Variants in HEMK2 observed in about 807,000 individuals in gnomAD.
The protein encoded by HEMK2 is HemK methyltransferase 2, ETF1 glutamine and histone H4 lysine, also known as methyltransferase HEMK2.
chr21:28,657,729 C>G, the HEMK2 span, among the ~76,000 whole-genome samples: 1 of 151,956 alleles, frequency 6.6e-6, no homozygotes, highest in East Asian at 1.9e-4. Context: ...ATATAATCCC[C>G]AAAAAGCAGC....
At chr21:28,674,720 A>G in the HEMK2 span, 3 of 152,234 alleles carry the variant, frequency 2.0e-5, no homozygotes, top group African/African-American at 4.8e-5. Flanking sequence ...AGACTGGGTA[A>G]ATCATAAAAA....
chr21:28,780,371 G>A, the HEMK2 span, among the ~76,000 whole-genome samples: 1 of 145,218 alleles, frequency 6.9e-6, no homozygotes, highest in South Asian at 2.2e-4. Flanking sequence ...TAGAGACGGG[G>A]TTTCACCGTG....
the HEMK2 span, among the ~76,000 whole-genome samples, chr21:28,806,352 T>G: frequency 6.6e-6 from 1 of 152,240 alleles, no homozygotes; most frequent in African/African-American, 2.4e-5. Context: ...GTAACATGAC[T>G]GTAACTTAAG....
chr21:28,766,463 A>G, the HEMK2 span, among the ~76,000 whole-genome samples: 1 of 152,100 alleles, frequency 6.6e-6, no homozygotes, highest in East Asian at 1.9e-4. Context: ...TAAAGAACTA[A>G]AAGTAGAACT....
At chr21:28,805,789 T>C in the HEMK2 span, among the ~76,000 whole-genome samples, 1 of 152,240 alleles carries the variant, frequency 6.6e-6, no homozygotes, top group East Asian at 1.9e-4. Flanking sequence ...CATTGTTTTA[T>C]TTAAAAGTTC....
chr21:28,767,478 C>CCAAG, the HEMK2 span, among the ~76,000 whole-genome samples: 2 of 151,792 alleles, frequency 1.3e-5, no homozygotes, highest in Admixed American at 6.6e-5. Context: ...AGAGCACTGA[C>CCAAG]CAAGACCCAG....
the HEMK2 span, among the ~76,000 whole-genome samples, chr21:28,871,291 A>C: frequency 6.6e-6 from 1 of 152,202 alleles, no homozygotes; most frequent in African/African-American, 2.4e-5. Flanking sequence ...GGGAGGCCTC[A>C]GGAAGCTTAA....
the HEMK2 span, among the ~76,000 whole-genome samples, chr21:28,870,229 ACCT>A: frequency 5.5e-4 from 84 of 152,046 alleles, no homozygotes; most frequent in Non-Finnish European, 1.1e-3. Flanking sequence ...CTTTACACAA[ACCT>A]CCTCTCCCTG....
chr21:28,798,425 C>T, the HEMK2 span, among the ~76,000 whole-genome samples: 1 of 152,206 alleles, frequency 6.6e-6, no homozygotes, highest in East Asian at 1.9e-4. Flanking sequence ...CATAGAGTTT[C>T]TGTGAGAATA....
At chr21:28,622,319 G>A in the HEMK2 span, among the ~76,000 whole-genome samples, 27 of 152,134 alleles carry the variant, frequency 1.8e-4, no homozygotes, top group African/African-American at 5.8e-4. Context: ...ACTGCTCAAC[G>A]AAATAAGAGA....
At chr21:28,599,850 C>T in the HEMK2 span, among the ~76,000 whole-genome samples, 1 of 152,138 alleles carries the variant, frequency 6.6e-6, no homozygotes, top group Admixed American at 6.5e-5. Flanking sequence ...AACAAAGGGG[C>T]TACAGAGACA....
At chr21:28,731,128 T>C in the HEMK2 span, among the ~76,000 whole-genome samples, 1 of 151,984 alleles carries the variant, frequency 6.6e-6, no homozygotes, top group African/African-American at 2.4e-5. Flanking sequence ...GCTAAAAAAG[T>C]TGGGGGAAGG....
At chr21:28,583,506 A>T in the HEMK2 span, among the ~76,000 whole-genome samples, 1 of 152,238 alleles carries the variant, frequency 6.6e-6, no homozygotes, top group South Asian at 2.1e-4. Flanking sequence ...TCACAGAAGA[A>T]CATAGACCTT....
the HEMK2 span, among the ~76,000 whole-genome samples, chr21:28,711,294 G>C: frequency 6.6e-6 from 1 of 152,110 alleles, no homozygotes; most frequent in African/African-American, 2.4e-5. Flanking sequence ...CTATATGAGG[G>C]CTGGGGGGCA....
At chr21:28,841,284 T>TTATATATTATATATA in the HEMK2 span, among the ~76,000 whole-genome samples, 1 of 4,922 alleles carries the variant, frequency 2.0e-4, no homozygotes, top group African/African-American at 1.9e-3. Flanking sequence ...ATATTATATA[T>TTATATATTATATATA]AATATATATT....
chr21:28,609,168 T>C, the HEMK2 span, among the ~76,000 whole-genome samples: 1 of 152,098 alleles, frequency 6.6e-6, no homozygotes, highest in African/African-American at 2.4e-5. Flanking sequence ...GCTACCTCCA[T>C]GGGAGCAGAA....
At chr21:28,742,204 A>C in the HEMK2 span, among the ~76,000 whole-genome samples, 1 of 152,230 alleles carries the variant, frequency 6.6e-6, no homozygotes, top group East Asian at 1.9e-4. Flanking sequence ...GACAATATTT[A>C]CTATCTGGAT....
chr21:28,721,917 C>A, the HEMK2 span, among the ~76,000 whole-genome samples: 1 of 144,818 alleles, frequency 6.9e-6, no homozygotes, highest in African/African-American at 2.7e-5. Context: ...CACACACACA[C>A]ACACACACAC....
chr21:28,734,634 C>G, the HEMK2 span, among the ~76,000 whole-genome samples: 32 of 152,226 alleles, frequency 2.1e-4, no homozygotes, highest in South Asian at 1.9e-3. Context: ...TGAACCCATG[C>G]CAGAGCTTTG....
Sources: allele counts gnomAD v4.1 joint callset (sites outside exome capture counted in the v4.1 genomes callset), GRCh38; gene constraint gnomAD v4.1.1; transcripts MANE v1.5; gene names NCBI Gene and HGNC (gene_info 2026-07-23, HGNC 2026-07-21).